CDH22: variants seen among roughly 807,000 people sequenced by gnomAD.
CDH22 encodes cadherin 22.
In CDH22, 30 loss-of-function variants were observed where a neutral mutation model predicts 58.4. The observed-to-expected ratio is 0.51, with a 90% CI of 0.38 to 0.70. CDH22 has a LOEUF of 0.70. Among genes scored for constraint, CDH22 ranks in the 30% least tolerant of loss-of-function variants. CDH22 has a pLI of 0.00. For missense variants in CDH22, 1,014 were observed against 1,233.9 expected (o/e 0.82, Z 2.67); for synonymous variants, 513 against 558.2 (o/e 0.92, Z 1.14).
intron 3 of CDH22, among the ~76,000 whole-genome samples, chr20:46,234,055 CT>C (rs1329886460): frequency 4.6e-5 from 7 of 152,204 alleles, no homozygotes; most frequent in Admixed American, 4.6e-4. Flanking sequence ...TCCTTCCTGC[CT>C]TCCTCCTTTC....
chr20:46,255,655 A>C (rs2086403036), intron 1 of CDH22, among the ~76,000 whole-genome samples: 2 of 150,368 alleles, frequency 1.3e-5, no homozygotes, highest in East Asian at 2.0e-4. Context: ...CAGCCTGCCA[A>C]CTCTTCACTG....
intron 2 of CDH22, among the ~76,000 whole-genome samples, chr20:46,245,606 T>C (rs1008119853): frequency 3.3e-5 from 5 of 152,150 alleles, no homozygotes; most frequent in African/African-American, 1.2e-4. Flanking sequence ...TCTGGCTGTT[T>C]ATTCCATCTC....
rs918677684 is a variant in CDH22, at chr20:46,189,349, G to C, written c.1424-2402C>G. The stretch of plus-strand genomic sequence containing the variant: ...GGAGAATTTCAACAGACAGACGGTC[G>C]GTGCTTTTGGGAAGAGGGGGGTGAG... On this transcript the variant is annotated intron_variant, in intron 8 of 11. Coordinates refer to ENST00000537909, the MANE Select transcript of CDH22 (RefSeq NM_021248.3). Among the ~76,000 whole-genome samples, 5 of 152,172 alleles carry C rather than the reference G, an allele frequency of 3.3e-5. No homozygotes were observed. In the East Asian group the frequency reaches 7.7e-4, roughly 24 times the overall value.
chr20:46,187,993 C>T (rs2085838915), intron 8 of CDH22, among the ~76,000 whole-genome samples: 2 of 152,190 alleles, frequency 1.3e-5, no homozygotes, highest in Admixed American at 6.5e-5. Flanking sequence ...AGATCTTCGC[C>T]AGCAAAACCA....
intron 1 of CDH22, among the ~76,000 whole-genome samples, chr20:46,279,211 T>C (rs2086536536): frequency 6.6e-6 from 1 of 152,214 alleles, no homozygotes; most frequent in Admixed American, 6.5e-5. Flanking sequence ...CGGTATATTA[T>C]AACTATTATC....
At chr20:46,218,018 G>C (rs1172798036) in intron 4 of CDH22, among the ~76,000 whole-genome samples, 2 of 151,916 alleles carry the variant, frequency 1.3e-5, no homozygotes, top group African/African-American at 4.8e-5. Context: ...CCTCCTCCCG[G>C]GTTCAAGCAA....
chr20:46,186,489 T>A, intron 10 of CDH22, 99 bp downstream of exon 10: 2 of 833,774 alleles, frequency 2.4e-6, no homozygotes, highest in Non-Finnish European at 3.9e-6. Flanking sequence ...AGATCCAACA[T>A]AGGCCCTGTG....
Position 46,174,628 on chromosome 20 carries a change from G to A in CDH22, c.2365C>T (p.His789Tyr), listed in dbSNP as rs779693530. ...TGCTCGGAGCCCGACGAGCCGCTGT[G>A]CAGGGAGCTGAGCGAGGCGGCCGGC... is the stretch of plus-strand genomic sequence containing the variant. ...DSPAASLSSL[H>Y]SGSSGSEQDF... Residue 789 changes from histidine to tyrosine, a missense_variant, in exon 12 of 12, where the codon CAC (histidine) becomes TAC (tyrosine). This residue lies in a region of CDH22 where 208 missense variants were observed against 195.2 expected (regional missense o/e 1.07). Coordinates refer to ENST00000537909, the MANE Select transcript of CDH22 (RefSeq NM_021248.3). This position sits in a 1 kb window ranked among gnomAD's most constrained non-coding sequence, Gnocchi z 4.4. The A allele has an allele frequency of 1.9e-6, 3 of 1,549,544 alleles. No homozygotes were observed. Among genetic ancestry groups the A allele is most frequent in the South Asian group, 2.4e-5 (2 of 84,648 alleles).
intron 3 of CDH22, among the ~76,000 whole-genome samples, chr20:46,229,927 C>T (rs113785620): frequency 6.6e-6 from 1 of 152,152 alleles, no homozygotes; most frequent in African/African-American, 2.4e-5. Flanking sequence ...CTCTCTCTCC[C>T]TGGCTGCATC....
rs2086289214 is a variant in CDH22 at position 46,241,371 on chromosome 20, C to T, written c.256-114G>A. The T allele has an allele frequency of 1.1e-6, 1 of 905,356 alleles. No individual in the cohort carries two copies. Among genetic ancestry groups the T allele is most frequent in the Non-Finnish European group, 1.6e-6 (1 of 608,646 alleles). The allele number at this position is 905,356 out of a possible 1,614,324, so 56.1% of individuals were successfully genotyped here. ...AAGCCCATCTCTTCTCCAGCACATA[C>T]ACATCTTTAGTGAGGACACTGAGGC... is the stretch of plus-strand genomic sequence containing the variant. On this transcript the variant is annotated intron_variant, in intron 2 of 11. Transcript: ENST00000537909. This position sits in a 1 kb window ranked among gnomAD's most constrained non-coding sequence, Gnocchi z 5.2.
intron 7 of CDH22, among the ~76,000 whole-genome samples, chr20:46,203,935 A>T (rs979138713): frequency 6.6e-6 from 1 of 151,974 alleles, no homozygotes; most frequent in Non-Finnish European, 1.5e-5. Context: ...AGAGAATATG[A>T]GTTTGTGGCA....
intron 1 of CDH22, among the ~76,000 whole-genome samples, chr20:46,287,554 G>A (rs1364276602): frequency 2.6e-5 from 4 of 151,916 alleles, no homozygotes; most frequent in Non-Finnish European, 5.9e-5. Flanking sequence ...GATGGATTTT[G>A]CCAAGCTGAG....
At chr20:46,256,696 T>G (rs571277913) in intron 1 of CDH22, among the ~76,000 whole-genome samples, 1 of 152,244 alleles carries the variant, frequency 6.6e-6, no homozygotes, top group South Asian at 2.1e-4. Flanking sequence ...ATGATCTGAC[T>G]TATGTTTTAA....
At chr20:46,175,122 A>T (rs1162537164) in intron 11 of CDH22, 45 bp from the exon 12 acceptor site, 2 of 1,557,454 alleles carry the variant, frequency 1.3e-6, no homozygotes, top group African/African-American at 2.8e-5. Context: ...AGCCCCTCCC[A>T]GGGCATTAGA....
At chr20:46,280,122 T>C (rs2086542859) in intron 1 of CDH22, among the ~76,000 whole-genome samples, 1 of 152,166 alleles carries the variant, frequency 6.6e-6, no homozygotes, top group African/African-American at 2.4e-5. Flanking sequence ...CTTCAAGCTC[T>C]GGGGTAAAAA....
At chr20:46,215,695 G>T (rs961783861) in intron 5 of CDH22, among the ~76,000 whole-genome samples, 1 of 152,228 alleles carries the variant, frequency 6.6e-6, no homozygotes, top group Admixed American at 6.5e-5. Flanking sequence ...AGGAGGAAAG[G>T]AATGACGAGC....
intron 8 of CDH22, among the ~76,000 whole-genome samples, chr20:46,189,348 C>T (rs974148380): frequency 2.0e-5 from 3 of 152,140 alleles, no homozygotes; most frequent in Non-Finnish European, 4.4e-5. Flanking sequence ...GACAGACGGT[C>T]GGTGCTTTTG....
rs888930309 is a variant in CDH22 at position 46,216,543 on chromosome 20, C to G, written c.838+283G>C. ...TGGACGGAAGGGTGGATGGGTGGGG[C>G]TCCCCCTCTGCCGGAAGCAAGAGGA... On this transcript the variant is annotated intron_variant, in intron 5 of 11. Transcript: ENST00000537909. This position sits in a 1 kb window ranked among gnomAD's most constrained non-coding sequence, Gnocchi z 5.3. 6.6e-6 allele frequency among the ~76,000 whole-genome samples: 1 copy of G among 152,120 alleles called. No homozygotes were observed. Among genetic ancestry groups the G allele is most frequent in the Non-Finnish European group, 1.5e-5 (1 of 68,024 alleles).
Position 46,227,637 on chromosome 20 carries a change from G to A in CDH22, c.551-10C>T, listed in dbSNP as rs753585305. 4 of 1,607,810 alleles carry A rather than the reference G, an allele frequency of 2.5e-6. 1 individual carries two copies. The South Asian group carries it at 4.4e-5, about 18-fold the overall frequency. On this transcript the variant is annotated splice_polypyrimidine_tract_variant and intron_variant, in intron 3 of 11. Coordinates refer to ENST00000537909, the MANE Select transcript of CDH22 (RefSeq NM_021248.3). ...TGCATCACCGACGTGCCTGGGCCCGGGGGACCAAGCGAGACAGGGGTCATC... is the reference window on the plus strand; with the variant it reads ...TGCATCACCGACGTGCCTGGGCCCGAGGGACCAAGCGAGACAGGGGTCATC...
Sources: gnomAD v4.1 joint callset for allele counts (sites outside exome capture counted in the v4.1 genomes callset) on GRCh38, gnomAD v4.1.1 for gene constraint, gnomAD v4.1.1 regional missense constraint, Gnocchi (gnomAD v3.1) non-coding constraint, MANE v1.5 for transcripts, NCBI Gene and HGNC (gene_info 2026-07-23, HGNC 2026-07-21) for gene names.